The following NLGN1 variants were observed in gnomAD, a reference collection of about 807,000 sequenced individuals.
The protein encoded by NLGN1 is neuroligin-1.
NLGN1 carries 12 observed loss-of-function variants against 65.5 expected under a neutral mutation model. That is an observed-to-expected ratio of 0.18 (90% CI 0.12 to 0.30). NLGN1 has a LOEUF of 0.30. Among genes scored for constraint, NLGN1 ranks in the 10% least tolerant of loss-of-function variants. NLGN1 has a pLI of 1.00. For synonymous variants in NLGN1, 350 were observed against 359.5 expected, an observed-to-expected ratio of 0.97 and a Z score of 0.30; for missense variants, 750 against 1,007.1, an observed-to-expected ratio of 0.74 and a Z score of 3.46.
At chr3:174,248,307 T>C (rs1026848307) in intron 4 of NLGN1, among the ~76,000 whole-genome samples, 1 of 152,204 alleles carries the variant, frequency 6.6e-6, no homozygotes, top group Non-Finnish European at 1.5e-5. Context: ...CCTTCTCAAA[T>C]GTTTATCTTC....
At chr3:173,748,111 A>G (rs1775794190) in intron 3 of NLGN1, among the ~76,000 whole-genome samples, 1 of 151,916 alleles carries the variant, frequency 6.6e-6, no homozygotes, top group Non-Finnish European at 1.5e-5. Flanking sequence ...GAAAACATAT[A>G]TTTAGGAGCG....
chr3:173,530,980 G>A (rs956423470), intron 2 of NLGN1, among the ~76,000 whole-genome samples: 1 of 151,980 alleles, frequency 6.6e-6, no homozygotes, highest in African/African-American at 2.4e-5. Context: ...ATTTTCTGAA[G>A]CTTTTAAAAT....
intron 2 of NLGN1, among the ~76,000 whole-genome samples, chr3:173,508,534 A>G (rs1450406838): frequency 1.3e-5 from 2 of 152,126 alleles, no homozygotes; most frequent in Non-Finnish European, 2.9e-5. Context: ...ACATCTTAGA[A>G]GTGCCAGGAG....
chr3:173,801,840 C>G (rs1420765897), intron 3 of NLGN1, among the ~76,000 whole-genome samples: 1 of 152,026 alleles, frequency 6.6e-6, no homozygotes, highest in Admixed American at 6.6e-5. Context: ...GATGCAAATT[C>G]TGATATTTTA....
intron 4 of NLGN1, among the ~76,000 whole-genome samples, chr3:174,132,832 AT>A (rs1422116977): frequency 3.9e-5 from 6 of 152,216 alleles, no homozygotes; most frequent in Admixed American, 3.9e-4. Flanking sequence ...GGGCATCCGA[AT>A]TAAAAGAGCC....
intron 4 of NLGN1, among the ~76,000 whole-genome samples, chr3:173,842,380 C>T (rs1724959923): frequency 6.6e-6 from 1 of 152,096 alleles, no homozygotes; most frequent in Admixed American, 6.6e-5. Flanking sequence ...CCAACAGTCC[C>T]CCAATGTCTT....
At chr3:174,005,552 A>G (rs1352462216) in intron 4 of NLGN1, among the ~76,000 whole-genome samples, 1 of 152,046 alleles carries the variant, frequency 6.6e-6, no homozygotes, top group Non-Finnish European at 1.5e-5. Context: ...TTCCTGTCCT[A>G]TTTCTTGTGA....
chr3:173,700,359 G>A (rs1378450242), intron 3 of NLGN1, among the ~76,000 whole-genome samples: 1 of 152,200 alleles, frequency 6.6e-6, no homozygotes, highest in Non-Finnish European at 1.5e-5. Flanking sequence ...CTTGTTATCT[G>A]TGTGAACTTT....
At chr3:173,830,648 C>A (rs1224963688) in intron 4 of NLGN1, among the ~76,000 whole-genome samples, 1 of 152,076 alleles carries the variant, frequency 6.6e-6, no homozygotes, top group Non-Finnish European at 1.5e-5. Flanking sequence ...AAAAATCTCT[C>A]TTGTGGCATT....
intron 4 of NLGN1, among the ~76,000 whole-genome samples, chr3:174,224,762 G>A (rs1739299304): frequency 2.6e-5 from 4 of 152,160 alleles, no homozygotes; most frequent in Non-Finnish European, 5.9e-5. Context: ...GCTAGGAGGT[G>A]CATCAAGCTA....
intron 4 of NLGN1, among the ~76,000 whole-genome samples, chr3:173,986,959 A>G (rs1262735251): frequency 6.6e-6 from 1 of 152,156 alleles, no homozygotes; most frequent in Non-Finnish European, 1.5e-5. Context: ...GTTCTAGTGT[A>G]TTTTGTTTCA....
chr3:173,667,970 C>T (rs149479514), intron 3 of NLGN1, among the ~76,000 whole-genome samples: 511 of 152,220 alleles, frequency 3.4e-3, no homozygotes, highest in African/African-American at 0.012. Flanking sequence ...ACATATATAA[C>T]TTCTTAATTT....
At chr3:174,090,065 A>G (rs1744207184) in intron 4 of NLGN1, among the ~76,000 whole-genome samples, 1 of 152,196 alleles carries the variant, frequency 6.6e-6, no homozygotes, top group South Asian at 2.1e-4. Flanking sequence ...TATTTATTGA[A>G]CTGCCTTATT....
At chr3:174,214,507 T>C (rs1737252734) in intron 4 of NLGN1, among the ~76,000 whole-genome samples, 1 of 152,206 alleles carries the variant, frequency 6.6e-6, no homozygotes, top group Non-Finnish European at 1.5e-5. Flanking sequence ...ATAATACTTA[T>C]ACCTTTAAGA....
chr3:173,438,775 C>T (rs1718615275), intron 2 of NLGN1, among the ~76,000 whole-genome samples: 1 of 151,982 alleles, frequency 6.6e-6, no homozygotes, highest in Non-Finnish European at 1.5e-5. Flanking sequence ...GATACAGTTG[C>T]CTTCAGGGAG....
At chr3:174,027,239 C>G (rs561670497) in intron 4 of NLGN1, among the ~76,000 whole-genome samples, 2 of 152,240 alleles carry the variant, frequency 1.3e-5, no homozygotes, top group South Asian at 4.1e-4. Flanking sequence ...GTTCTATCAT[C>G]CTGGCAAACT....
chr3:173,705,184 A>G (rs993658598), intron 3 of NLGN1, among the ~76,000 whole-genome samples: 4 of 152,172 alleles, frequency 2.6e-5, no homozygotes, highest in Admixed American at 2.6e-4. Context: ...ACTAGAAGGT[A>G]GATGAATTTG....
At chr3:174,238,617 C>T (rs1339656584) in intron 4 of NLGN1, among the ~76,000 whole-genome samples, 1 of 152,148 alleles carries the variant, frequency 6.6e-6, no homozygotes, top group Non-Finnish European at 1.5e-5. Context: ...ACCTTGGCCT[C>T]CCAAAGTGCT....
intron 4 of NLGN1, among the ~76,000 whole-genome samples, chr3:174,249,661 T>G (rs1744429660): frequency 6.6e-6 from 1 of 152,206 alleles, no homozygotes; most frequent in Non-Finnish European, 1.5e-5. Flanking sequence ...TTACCTACTT[T>G]GTAAAAAGTG....
Sources: gnomAD v4.1 joint callset for allele counts (sites outside exome capture counted in the v4.1 genomes callset) on GRCh38, gnomAD v4.1.1 for gene constraint, MANE v1.5 for transcripts, NCBI Gene and HGNC (gene_info 2026-07-23, HGNC 2026-07-21) for gene names.